Variants in ARB2A observed in about 807,000 individuals in gnomAD.
The protein encoded by ARB2A is cotranscriptional regulator ARB2A.
chr5:93,860,000 T>C, the ARB2A span, among the ~76,000 whole-genome samples: 1 of 152,176 alleles, frequency 6.6e-6, no homozygotes, highest in Non-Finnish European at 1.5e-5. Context: ...AGAATGTTCA[T>C]TAGAATCTTA....
At chr5:93,938,538 C>A in the ARB2A span, among the ~76,000 whole-genome samples, 60 of 152,154 alleles carry the variant, frequency 3.9e-4, no homozygotes, top group Non-Finnish European at 7.6e-4. Flanking sequence ...GTGAACACTG[C>A]AAATTGCCTT....
the ARB2A span, among the ~76,000 whole-genome samples, chr5:93,793,559 CT>C: frequency 5.3e-5 from 8 of 152,168 alleles, no homozygotes; most frequent in Admixed American, 5.2e-4. Flanking sequence ...TGCACAATGA[CT>C]GGCAAATAAC....
the ARB2A span, among the ~76,000 whole-genome samples, chr5:93,941,850 G>A: frequency 6.6e-6 from 1 of 152,086 alleles, no homozygotes; most frequent in East Asian, 1.9e-4. Flanking sequence ...TTCTTAGGAT[G>A]ATGTCAGAAT....
At chr5:93,631,458 G>A in the ARB2A span, among the ~76,000 whole-genome samples, 1 of 152,022 alleles carries the variant, frequency 6.6e-6, no homozygotes, top group South Asian at 2.1e-4. Context: ...CTCAAGCCTG[G>A]GCAAAAGCCT....
the ARB2A span, among the ~76,000 whole-genome samples, chr5:93,718,116 AC>A: frequency 1.8e-4 from 28 of 151,456 alleles, no homozygotes; most frequent in Non-Finnish European, 3.1e-4. Context: ...GGAGTGAACC[AC>A]CCCGCCTGGC....
chr5:93,907,807 T>A, the ARB2A span, among the ~76,000 whole-genome samples: 1 of 151,410 alleles, frequency 6.6e-6, no homozygotes, highest in East Asian at 1.9e-4. Flanking sequence ...CTAAATGGAA[T>A]GCTTAGGAAG....
chr5:93,801,245 T>A, the ARB2A span, among the ~76,000 whole-genome samples: 1 of 152,162 alleles, frequency 6.6e-6, no homozygotes, highest in East Asian at 1.9e-4. Flanking sequence ...AAGAAAAAGT[T>A]ACTGTATGGG....
the ARB2A span, among the ~76,000 whole-genome samples, chr5:93,640,634 G>GTATATA: frequency 9.4e-5 from 14 of 149,108 alleles, no homozygotes; most frequent in African/African-American, 3.5e-4. Context: ...ATATGTGTGT[G>GTATATA]TATATATATA....
the ARB2A span, chr5:93,618,967 G>GT: frequency 5.3e-5 from 8 of 152,228 alleles, no homozygotes; most frequent in South Asian, 1.7e-3. Context: ...ACAAGTGTTG[G>GT]TTTTTTATAA....
chr5:93,822,862 G>A, the ARB2A span, among the ~76,000 whole-genome samples: 4 of 151,908 alleles, frequency 2.6e-5, no homozygotes, highest in African/African-American at 7.3e-5. Context: ...TTAACTTAAC[G>A]ATTTATTGAT....
the ARB2A span, among the ~76,000 whole-genome samples, chr5:93,644,452 A>G: frequency 2.6e-5 from 4 of 152,188 alleles, no homozygotes; most frequent in South Asian, 8.3e-4. Context: ...CCAACTGCAG[A>G]CTGAACCCTT....
chr5:93,742,270 T>C, the ARB2A span, among the ~76,000 whole-genome samples: 30 of 152,186 alleles, frequency 2.0e-4, no homozygotes, highest in African/African-American at 7.2e-4. Flanking sequence ...TAACCCAGCT[T>C]CTTGGTCCAG....
At chr5:93,682,551 T>C in the ARB2A span, among the ~76,000 whole-genome samples, 1 of 151,946 alleles carries the variant, frequency 6.6e-6, no homozygotes, top group Non-Finnish European at 1.5e-5. Flanking sequence ...TTATTTCACA[T>C]GTATATTTTT....
chr5:94,002,494 C>T, the ARB2A span, among the ~76,000 whole-genome samples: 1 of 151,902 alleles, frequency 6.6e-6, no homozygotes, highest in Non-Finnish European at 1.5e-5. Flanking sequence ...GATGTCTGCG[C>T]ATTATTTTCT....
chr5:93,849,632 T>C, the ARB2A span, among the ~76,000 whole-genome samples: 1 of 152,182 alleles, frequency 6.6e-6, no homozygotes, highest in African/African-American at 2.4e-5. Flanking sequence ...AATTGAGGAA[T>C]ATAATACTTT....
At chr5:93,918,570 C>T in the ARB2A span, among the ~76,000 whole-genome samples, 6 of 151,510 alleles carry the variant, frequency 4.0e-5, no homozygotes, top group Middle Eastern at 3.5e-3. Flanking sequence ...TACAAGCACC[C>T]GCCATCATGC....
the ARB2A span, among the ~76,000 whole-genome samples, chr5:93,983,170 GGTGTGTGTGTGTGTGTGTGTGTGTGTGT>G: frequency 3.3e-4 from 41 of 125,530 alleles, no homozygotes; most frequent in East Asian, 3.6e-3. Context: ...GCTGTGGAGA[GGTGTGTGTGTGTGTGTGTGTGTGTGTGT>G]GTGTGTGTGT....
chr5:93,850,567 T>C, the ARB2A span, among the ~76,000 whole-genome samples: 1 of 152,206 alleles, frequency 6.6e-6, no homozygotes, highest in African/African-American at 2.4e-5. Flanking sequence ...CTAAGTCCTC[T>C]GCTCTATGGT....
chr5:93,663,412 C>T, the ARB2A span, among the ~76,000 whole-genome samples: 1 of 152,086 alleles, frequency 6.6e-6, no homozygotes, highest in Admixed American at 6.6e-5. Context: ...TTTTCTTTTC[C>T]ATTTGGGCTA....
Sources: allele counts gnomAD v4.1 joint callset (sites outside exome capture counted in the v4.1 genomes callset), GRCh38; gene constraint gnomAD v4.1.1; transcripts MANE v1.5; gene names NCBI Gene and HGNC (gene_info 2026-07-23, HGNC 2026-07-21).